TMEM131: variants seen among roughly 807,000 people sequenced by gnomAD.
TMEM131 encodes 2610524E03Rik.
TMEM131 carries 66 observed loss-of-function variants against 211.6 expected under a neutral mutation model. That is an observed-to-expected ratio of 0.31 (90% confidence interval 0.26 to 0.38). The LOEUF (loss-of-function observed/expected upper bound fraction) is 0.38. Ranked by LOEUF, TMEM131 falls within the 10% of genes least tolerant of loss-of-function variation. The pLI, the probability that TMEM131 is intolerant of heterozygous loss-of-function variation, is 1.00. For missense variants in TMEM131, 2,036 were observed against 2,299.3 expected (o/e 0.89, Z 2.34); for synonymous variants, 844 against 841.3 (o/e 1.00, Z -0.06).
chr2:97,855,364 T>C (rs1573464921), intron 5 of TMEM131, among the ~76,000 whole-genome samples: 1 of 152,240 alleles, frequency 6.6e-6, no homozygotes, highest in Admixed American at 6.5e-5. Context: ...CTCTTATTAA[T>C]ATACCCAAAT....
intron 4 of TMEM131, among the ~76,000 whole-genome samples, chr2:97,868,913 G>GA (rs1392613101): frequency 1.7e-4 from 26 of 152,190 alleles, no homozygotes; most frequent in African/African-American, 6.3e-4. Flanking sequence ...AACAATTAGG[G>GA]AAATGGGTAC....
chr2:97,891,230 T>C (rs1573517576), intron 3 of TMEM131, among the ~76,000 whole-genome samples: 4 of 152,312 alleles, frequency 2.6e-5, no homozygotes, highest in Admixed American at 2.6e-4. Context: ...TTTGCTAATA[T>C]CATTGCAGTT....
intron 1 of TMEM131, among the ~76,000 whole-genome samples, chr2:97,991,849 G>A (rs1440328044): frequency 6.6e-6 from 1 of 152,166 alleles, no homozygotes; most frequent in Non-Finnish European, 1.5e-5. Flanking sequence ...TTGCTACTCT[G>A]GATAGTAACA....
At chr2:97,761,089 G>T (rs1678815902) in intron 36 of TMEM131, 175 bp from the exon 37 acceptor site, 1 of 719,226 alleles carries the variant, frequency 1.4e-6, no homozygotes, top group East Asian at 2.7e-5. Context: ...TAATCAGACA[G>T]AGATAGAGGG....
chr2:97,797,327 T>C lies in TMEM131; in HGVS notation c.2870+38A>G, dbSNP rs780179637. ...AAACAAGTGAGGACTTCTAAGTAAG[T>C]AGTAAAAATGAACCCACACCTATAT... On this transcript the variant is annotated intron_variant, in intron 26 of 40. Transcript: ENST00000186436. 4.6e-5 allele frequency: 70 copies of C among 1,519,822 alleles called. 1 individual carries two copies. The Middle Eastern group carries it at 7.4e-4, about 16-fold the overall frequency. 94.1% of individuals were successfully genotyped at this position (1,519,822 alleles called of 1,614,324 possible).
chr2:97,843,538 C>A (rs988432675), intron 6 of TMEM131, among the ~76,000 whole-genome samples: 6 of 152,110 alleles, frequency 3.9e-5, no homozygotes, highest in African/African-American at 1.4e-4. Context: ...TGAGGTCTTG[C>A]TTTGTTGCCC....
At chr2:97,795,919 G>A (rs759667153) in intron 28 of TMEM131, among the ~76,000 whole-genome samples, 12 of 152,100 alleles carry the variant, frequency 7.9e-5, no homozygotes, top group Non-Finnish European at 1.5e-4. Flanking sequence ...TTGCTTTAAC[G>A]TAACCCTGAA....
At chr2:97,878,060 A>C (rs1047083498) in intron 4 of TMEM131, among the ~76,000 whole-genome samples, 2 of 152,214 alleles carry the variant, frequency 1.3e-5, no homozygotes, top group African/African-American at 4.8e-5. Flanking sequence ...CAGACACTTC[A>C]AGAGAAGACA....
intron 17 of TMEM131, 30 bp from the exon 18 acceptor site, chr2:97,811,262 T>G: frequency 6.5e-7 from 1 of 1,546,018 alleles, no homozygotes; most frequent in Non-Finnish European, 8.9e-7. Context: ...TATCATTCAT[T>G]AGCCTTGTTA....
rs151135565 is a variant in TMEM131, at chr2:97,797,786, T to C, written c.2719-270A>G. On this transcript the variant is annotated intron_variant, in intron 25 of 40. Transcript: ENST00000186436. Reference sequence around the variant, plus strand: ...AATGTTTGCACAAGGCATTTGTTTTTGGATACATATCTTTTTTGTTTTTAA... The same window carrying C: ...AATGTTTGCACAAGGCATTTGTTTTCGGATACATATCTTTTTTGTTTTTAA... Among the ~76,000 whole-genome samples the C allele has an allele frequency of 2.9e-3, 449 of 152,390 alleles. 2 individuals are homozygous for C. The highest frequency in any genetic ancestry group is 5.3e-3 in the Non-Finnish European group (359 of 68,040).
chr2:97,976,336 T>C (rs1250950535), intron 1 of TMEM131, among the ~76,000 whole-genome samples: 1 of 152,130 alleles, frequency 6.6e-6, no homozygotes, highest in African/African-American at 2.4e-5. Flanking sequence ...TTAGCAAGAT[T>C]ACAGAATACA....
chr2:97,756,925 CAAGA>C lies in TMEM131; in HGVS notation c.*170_*173del, dbSNP rs1573304905. ...AGCAAATCTCATGTTATCATAATTG[CAAGA>C]AAGATCTGAAAGAAGCGAGTGGTCT... On this transcript the variant is annotated 3_prime_UTR_variant, in exon 41 of 41. Transcript: ENST00000186436. 1.5e-6 allele frequency: 1 copy of C among 675,398 alleles called. No homozygotes were observed. Among genetic ancestry groups the C allele is most frequent in the Non-Finnish European group, 2.3e-6 (1 of 439,968 alleles). 41.8% of individuals were successfully genotyped at this position (675,398 alleles called of 1,614,324 possible).
chr2:97,787,616 G>T (rs78226632), intron 31 of TMEM131, among the ~76,000 whole-genome samples: 1,612 of 152,230 alleles, frequency 0.011, 36 homozygotes, highest in African/African-American at 0.037. Flanking sequence ...AACTCTCAAA[G>T]GTTTTTTTCC....
At chr2:97,938,483 C>A (rs11679196) in intron 1 of TMEM131, among the ~76,000 whole-genome samples, 47,020 of 152,004 alleles carry the variant, frequency 0.31, 8,593 homozygotes, top group Non-Finnish European at 0.39. Context: ...AACTAACTAT[C>A]CTAAATATAT....
chr2:97,990,229 T>C (rs1043368220), intron 1 of TMEM131, among the ~76,000 whole-genome samples: 1 of 152,090 alleles, frequency 6.6e-6, no homozygotes, highest in African/African-American at 2.4e-5. Flanking sequence ...GGTTTCCTTT[T>C]AAGAACCTTC....
intron 4 of TMEM131, among the ~76,000 whole-genome samples, chr2:97,871,717 T>A (rs1267839628): frequency 6.6e-6 from 1 of 152,154 alleles, no homozygotes; most frequent in African/African-American, 2.4e-5. Context: ...CACAAAACTA[T>A]CCTTGTAAAA....
At chr2:97,845,929 G>A (rs1683406645) in intron 5 of TMEM131, among the ~76,000 whole-genome samples, 1 of 152,152 alleles carries the variant, frequency 6.6e-6, no homozygotes, top group Non-Finnish European at 1.5e-5. Context: ...TGATAAAGGA[G>A]TATTACAAGC....
intron 38 of TMEM131, 43 bp downstream of exon 38, chr2:97,760,550 G>A (rs1453050608): frequency 6.4e-7 from 1 of 1,560,510 alleles, no homozygotes; most frequent in South Asian, 1.2e-5. Context: ...CCCGACTTGA[G>A]AAGCCTTCCG....
At chr2:97,907,669 T>C (rs963713997) in intron 3 of TMEM131, among the ~76,000 whole-genome samples, 3 of 152,250 alleles carry the variant, frequency 2.0e-5, no homozygotes, top group African/African-American at 2.4e-5. Context: ...AAGGATAAAT[T>C]TGCCTTGCTG....
Sources: gnomAD v4.1 joint callset for allele counts (sites outside exome capture counted in the v4.1 genomes callset) on GRCh38, gnomAD v4.1.1 for gene constraint, MANE v1.5 for transcripts, NCBI Gene and HGNC (gene_info 2026-07-23, HGNC 2026-07-21) for gene names.